The following PGR variants were observed in gnomAD, a reference collection of about 807,000 sequenced individuals.
The protein encoded by PGR is progesterone receptor, also known as nuclear receptor subfamily 3 group C member 3.
In PGR, 25 loss-of-function variants were observed where a neutral mutation model predicts 76.1. The ratio of observed to expected loss-of-function variants is 0.33; its 90% CI spans 0.24 to 0.46. PGR has a LOEUF of 0.46. PGR is among the 20% of genes least tolerant of loss of function. PGR has a pLI of 1.00. For synonymous variants in PGR, 579 were observed against 535.0 expected (o/e 1.08, Z -1.14); for missense variants, 1,172 against 1,225.3 (o/e 0.96, Z 0.65).
At chr11:101,110,592 G>A (rs1239224493) in intron 2 of PGR, among the ~76,000 whole-genome samples, 2 of 152,094 alleles carry the variant, frequency 1.3e-5, no homozygotes, top group Non-Finnish European at 2.9e-5. Context: ...ATCTGCTCCT[G>A]GTGAAGACGC....
rs1341345442 is a variant in PGR at position 101,035,963 on chromosome 11, G to GT, written c.*3152dup. ...TTACTATTTCTGAAGGCCTGTATAC[G>GT]TTTTTTTTGGTTTCCATTTCTATTC... On this transcript the variant is annotated 3_prime_UTR_variant, in exon 8 of 8. Transcript: ENST00000325455. 9.8e-5 allele frequency: 22 copies of GT among 225,264 alleles called. No homozygotes were observed. The highest frequency in any genetic ancestry group is 1.7e-4 in the Admixed American group (3 of 17,504). 14.0% of individuals were successfully genotyped at this position (225,264 alleles called of 1,614,324 possible). A position where few individuals can be genotyped will look rare whatever the true frequency, so the allele number is the denominator to read the frequency against.
rs530477552 is a variant in PGR at position 101,064,205 on chromosome 11, C to T, written c.1907-1453G>A. ...AATTAGCTGGGTGTGGTGGTGGGCACCTGTAATCCCAGTTACTCCAGAGGC... is the reference window on the plus strand; with the variant it reads ...AATTAGCTGGGTGTGGTGGTGGGCATCTGTAATCCCAGTTACTCCAGAGGC... On this transcript the variant is annotated intron_variant, in intron 3 of 7. Transcript: ENST00000325455. Among the ~76,000 whole-genome samples the T allele has an allele frequency of 4.0e-4, 61 of 151,332 alleles. 1 individual carries two copies. In the South Asian group the frequency reaches 7.6e-3, roughly 19 times the overall value.
intron 3 of PGR, among the ~76,000 whole-genome samples, chr11:101,087,580 G>T (rs1178144503): frequency 3.3e-5 from 5 of 152,052 alleles, no homozygotes; most frequent in Non-Finnish European, 7.4e-5. Flanking sequence ...AAATTAACAA[G>T]TGAGACCTAA....
chr11:101,057,122 C>T lies in PGR; in HGVS notation c.2212+5325G>A, dbSNP rs562029656. Among the ~76,000 whole-genome samples the T allele has an allele frequency of 2.0e-5, 3 of 152,246 alleles. No homozygotes were observed. In the East Asian group the frequency reaches 5.8e-4, roughly 29 times the overall value. On this transcript the variant is annotated intron_variant, in intron 4 of 7. Coordinates refer to ENST00000325455, the MANE Select transcript of PGR (RefSeq NM_000926.4). ...ATAGAAAAGTAGAACACAATTGTAA[C>T]TCAGAGTCATAGTGTTATGGTTGAC...
chr11:101,050,030 G>A lies in PGR; in HGVS notation c.2387C>T (p.Ser796Leu). Reference protein sequence around the residue: ...EQRMKESSFYSLCLTMWQIPQ... With the variant: ...EQRMKESSFYLLCLTMWQIPQ... ...GATCTGCCACATGGTAAGGCATAATGAATAGAATGATGATTCTTTCATCCG... is the reference window on the plus strand; with the variant it reads ...GATCTGCCACATGGTAAGGCATAATAAATAGAATGATGATTCTTTCATCCG... Residue 796 changes from serine to leucine, a missense_variant, in exon 6 of 8, where the codon TCA becomes TTA. Physicochemically the swap from Ser to Leu is moderately radical, Grantham distance 145 (BLOSUM62 -2). Transcript: ENST00000325455. 1 of 1,612,534 alleles carries A rather than the reference G, an allele frequency of 6.2e-7. No individual in the cohort carries two copies. Among genetic ancestry groups the A allele is most frequent in the Non-Finnish European group, 8.5e-7 (1 of 1,179,100 alleles).
rs1188020978 is a variant in PGR, at chr11:101,062,371, TTTTA to T, written c.2212+72_2212+75del. The T allele has an allele frequency of 4.5e-6, 5 of 1,117,650 alleles. No homozygotes were observed. In the East Asian group the frequency reaches 7.6e-5, roughly 17 times the overall value. 69.2% of individuals were successfully genotyped at this position (1,117,650 alleles called of 1,614,324 possible). A position where few individuals can be genotyped will look rare whatever the true frequency, so the allele number is the denominator to read the frequency against. ...TGTAGTTAATTTACTGCATAGAGTG[TTTTA>T]TTTAACAATGTACTAATACAACAAA... On this transcript the variant is annotated intron_variant, in intron 4 of 7. Transcript: ENST00000325455.
chr11:101,037,909 T>C lies in PGR; in HGVS notation c.*1207A>G, dbSNP rs11571277. 0.017 allele frequency: 3,575 copies of C among 214,088 alleles called. 84 individuals carry two copies. The highest frequency in any genetic ancestry group is 0.055 in the African/African-American group (2,429 of 44,320). 13.3% of individuals were successfully genotyped at this position (214,088 alleles called of 1,614,324 possible). ...TCCCAGGAGAGTCACAATTGTAAAA[T>C]AACATGCTACTGTAACTCAAATGTG... On this transcript the variant is annotated 3_prime_UTR_variant, in exon 8 of 8. Transcript: ENST00000325455.
chr11:101,081,963 C>T (rs1453158412), intron 3 of PGR, among the ~76,000 whole-genome samples: 1 of 152,192 alleles, frequency 6.6e-6, no homozygotes, highest in Non-Finnish European at 1.5e-5. Context: ...GTTCTGTGTC[C>T]TCACCCAAAT....
intron 3 of PGR, among the ~76,000 whole-genome samples, chr11:101,064,371 A>AAAAAG (rs1860636326): frequency 8.3e-6 from 1 of 121,022 alleles, no homozygotes; most frequent in Non-Finnish European, 1.8e-5. Flanking sequence ...AAAAAAAAAA[A>AAAAAG]CAGCCCCAAC....
rs1159882943 is a variant in PGR at position 101,041,999 on chromosome 11, C to T, written c.2592G>A (p.Val864=). ...KAIGLRQKGV[V]SSSQRFYQLT... is the part of the protein sequence containing the mutation. ...GTTGATAGAAACGCTGTGAGCTCGA[C>T]ACAACTCCTTTTTGCCTCAAACCAA... The change falls in exon 7 of 8, where the codon GTG becomes GTA. Residue 864 remains valine (V), a synonymous_variant. Transcript: ENST00000325455. 2.5e-6 allele frequency: 4 copies of T among 1,613,482 alleles called. No individual in the cohort carries two copies. Among genetic ancestry groups the T allele is most frequent in the Non-Finnish European group, 3.4e-6 (4 of 1,179,696 alleles).
rs766303231 is a variant in PGR at position 101,127,554 on chromosome 11, CCGGCGG to C, written c.1511_1516del (p.Ala504_Ala505del). On this transcript the variant is annotated inframe_deletion, in exon 1 of 8. Coordinates refer to ENST00000325455, the MANE Select transcript of PGR (RefSeq NM_000926.4). ...TGCAGGGTAGAGCGCGGGGGCCGCC[CCGGCGG>C]CGGCGGCAGAGGCGGAGGTGGAGGG... The C allele has an allele frequency of 1.4e-6, 2 of 1,389,000 alleles. No individual in the cohort carries two copies. Among genetic ancestry groups the C allele is most frequent in the Non-Finnish European group, 9.3e-7 (1 of 1,069,764 alleles). The allele number at this position is 1,389,000 out of a possible 1,614,324, so 86.0% of individuals were successfully genotyped here.
intron 1 of PGR, 99 bp downstream of exon 1, chr11:101,127,335 A>G: frequency 1.1e-6 from 1 of 881,178 alleles, no homozygotes; most frequent in Non-Finnish European, 1.6e-6. Flanking sequence ...CGGGGAGCGC[A>G]GCGGTGCGCT....
intron 2 of PGR, among the ~76,000 whole-genome samples, chr11:101,119,171 G>C (rs541707467): frequency 6.6e-6 from 1 of 152,258 alleles, no homozygotes; most frequent in African/African-American, 2.4e-5. Context: ...ATTCTCGCTT[G>C]GCCACTGCTC....
chr11:101,032,677 T>A lies in PGR; in HGVS notation c.*6439A>T, dbSNP rs954378519. ...GGCTTAGCTTTGACTTTTTTCAGGA[T>A]GCCTCTGCTAACCCCTAAATTCAAG... On this transcript the variant is annotated 3_prime_UTR_variant, in exon 8 of 8. Transcript: ENST00000325455. 15 of 214,922 alleles carry A rather than the reference T, an allele frequency of 7.0e-5. No homozygotes were observed. Among genetic ancestry groups the A allele is most frequent in the African/African-American group, 2.9e-4 (13 of 44,326 alleles). The allele number at this position is 214,922 out of a possible 1,614,324, so 13.3% of individuals were successfully genotyped here. A position where few individuals can be genotyped will look rare whatever the true frequency, so the allele number is the denominator to read the frequency against.
chr11:101,096,650 G>A (rs1861843296), intron 2 of PGR, among the ~76,000 whole-genome samples: 1 of 152,158 alleles, frequency 6.6e-6, no homozygotes, highest in Non-Finnish European at 1.5e-5. Context: ...CATTTTCCTG[G>A]AAATCTAGAA....
chr11:101,069,026 A>G (rs1404168097), intron 3 of PGR, among the ~76,000 whole-genome samples: 2 of 152,242 alleles, frequency 1.3e-5, no homozygotes, highest in African/African-American at 2.4e-5. Flanking sequence ...ATGGGATCTA[A>G]TTAAACTAAA....
intron 2 of PGR, among the ~76,000 whole-genome samples, chr11:101,111,415 T>C (rs1862338325): frequency 6.6e-6 from 1 of 152,218 alleles, no homozygotes; most frequent in Admixed American, 6.5e-5. Flanking sequence ...ATCTTAGGTC[T>C]GATCTCCCTG....
intron 7 of PGR, among the ~76,000 whole-genome samples, chr11:101,039,783 A>G (rs11571266): frequency 1.3e-5 from 2 of 152,054 alleles, no homozygotes; most frequent in Non-Finnish European, 2.9e-5. Context: ...AAACAGCAGC[A>G]GCAGCAGCAT....
intron 2 of PGR, among the ~76,000 whole-genome samples, chr11:101,110,553 G>A (rs1425067456): frequency 3.3e-5 from 5 of 152,174 alleles, no homozygotes; most frequent in African/African-American, 1.2e-4. Context: ...TCTCATGGAT[G>A]AGCAAAGAAA....
Sources: allele counts gnomAD v4.1 joint callset (sites outside exome capture counted in the v4.1 genomes callset), GRCh38; gene constraint gnomAD v4.1.1; transcripts MANE v1.5; gene names NCBI Gene and HGNC (gene_info 2026-07-23, HGNC 2026-07-21).